AGFG1: variants seen among roughly 807,000 people sequenced by gnomAD.
AGFG1 encodes arf-GAP domain and FG repeat-containing protein 1.
A neutral mutation model predicts 60.6 loss-of-function variants in AGFG1; 10 were observed. The ratio of observed to expected loss-of-function variants is 0.16; its 90% CI spans 0.10 to 0.28. AGFG1 has a LOEUF of 0.28. AGFG1 is among the 10% of genes least tolerant of loss of function. AGFG1 has a pLI of 1.00. For missense variants in AGFG1, 537 were observed against 676.5 expected, an observed-to-expected ratio of 0.79 and a Z score of 2.29; for synonymous variants, 247 against 242.9, an observed-to-expected ratio of 1.02 and a Z score of -0.16.
At chr2:227,516,032 G>A (rs1347157404) in intron 2 of AGFG1, among the ~76,000 whole-genome samples, 1 of 152,188 alleles carries the variant, frequency 6.6e-6, no homozygotes, top group Non-Finnish European at 1.5e-5. Flanking sequence ...TTTGGGAGAT[G>A]CTGAAAGCTG....
chr2:227,536,607 T>C lies in AGFG1; in HGVS notation c.1206-18T>C, dbSNP rs1178578214. ...TTTTTTAAGAAAAAAAATGAACTCT[T>C]TCAATATTTGTTCTCAGCAATGTTT... is the stretch of plus-strand genomic sequence containing the variant. On this transcript the variant is annotated intron_variant, in intron 8 of 12. Transcript: ENST00000310078. 6.2e-7 allele frequency: 1 copy of C among 1,608,184 alleles called. No individual in the cohort carries two copies. The highest frequency in any genetic ancestry group is 8.5e-7 in the Non-Finnish European group (1 of 1,176,320).
At chr2:227,487,907 C>A (rs753250124) in intron 1 of AGFG1, among the ~76,000 whole-genome samples, 1 of 152,156 alleles carries the variant, frequency 6.6e-6, no homozygotes, top group Non-Finnish European at 1.5e-5. Context: ...AATGAAAAAT[C>A]CATGTACAGC....
chr2:227,514,886 T>C (rs1416585513), intron 2 of AGFG1, among the ~76,000 whole-genome samples: 1 of 152,200 alleles, frequency 6.6e-6, no homozygotes, highest in Non-Finnish European at 1.5e-5. Context: ...TGCATCTTCT[T>C]GTTGCAGTCA....
rs904318163 is a variant in AGFG1, at chr2:227,555,262, A to T, written c.*767A>T. 6.5e-6 allele frequency: 1 copy of T among 152,748 alleles called. No individual in the cohort carries two copies. The highest frequency in any genetic ancestry group is 1.9e-4 in the East Asian group (1 of 5,194). The allele number at this position is 152,748 out of a possible 1,614,324, so 9.5% of individuals were successfully genotyped here. ...AAGGCCATGTAGAAAATTTATTAAA[A>T]CTACTATGACTGCTACATTCAGGAA... On this transcript the variant is annotated 3_prime_UTR_variant, in exon 13 of 13. Coordinates refer to ENST00000310078, the MANE Select transcript of AGFG1 (RefSeq NM_004504.5).
chr2:227,520,372 G>A (rs1049865417), intron 3 of AGFG1, among the ~76,000 whole-genome samples: 3 of 152,020 alleles, frequency 2.0e-5, no homozygotes, highest in Non-Finnish European at 2.9e-5. Context: ...CAAAGCCTCC[G>A]TTCTTAAAAA....
rs1462887062 is a variant in AGFG1, at chr2:227,532,134, C to G, written c.814+924C>G. ...CATCATTTACATAATTTCTGGCTGT[C>G]CAGCATTTAGAATGCTTTCATCTAG... On this transcript the variant is annotated intron_variant, in intron 6 of 12. Transcript: ENST00000310078. The G allele has an allele frequency of 3.2e-6, 5 of 1,539,536 alleles. No individual in the cohort carries two copies. In the East Asian group the frequency reaches 9.9e-5, roughly 31 times the overall value.
At chr2:227,543,686 C>T (rs1559198260) in intron 10 of AGFG1, among the ~76,000 whole-genome samples, 1 of 152,176 alleles carries the variant, frequency 6.6e-6, no homozygotes, top group Non-Finnish European at 1.5e-5. Flanking sequence ...TGGTGCAGAG[C>T]AGAGTCCAAG....
At position 227,531,189 on chromosome 2, in the gene AGFG1, C is replaced by T. The variant is rs1341646554; in HGVS notation, c.793C>T (p.Pro265Ser). The change falls in exon 6 of 13, where the codon CCT becomes TCT. Residue 265 changes from proline (P) to serine (S), a missense_variant. Pro to Ser is a moderately conservative substitution (Grantham distance 74, BLOSUM62 -1). Coordinates refer to ENST00000310078, the MANE Select transcript of AGFG1 (RefSeq NM_004504.5). ...AGGTTTCCCCACAGCAAGTCACTCT[C>T]CTTTTCAGCCCCAAACTACAGGTAG... ...FGGFPTASHS[P>S]FQPQTTGGSA... 1 of 1,613,674 alleles carries T rather than the reference C, an allele frequency of 6.2e-7. No homozygotes were observed. Among genetic ancestry groups the T allele is most frequent in the Non-Finnish European group, 8.5e-7 (1 of 1,179,746 alleles).
chr2:227,496,480 G>C (rs1690980080), intron 2 of AGFG1, among the ~76,000 whole-genome samples: 1 of 151,736 alleles, frequency 6.6e-6, no homozygotes, highest in Non-Finnish European at 1.5e-5. Flanking sequence ...CTGTGTGCCA[G>C]GAACTGTCCT....
At chr2:227,545,673 G>A (rs986101095) in intron 10 of AGFG1, among the ~76,000 whole-genome samples, 1 of 152,042 alleles carries the variant, frequency 6.6e-6, no homozygotes, top group Non-Finnish European at 1.5e-5. Context: ...TTTTGATGTT[G>A]ATGCTACTCC....
intron 1 of AGFG1, among the ~76,000 whole-genome samples, chr2:227,484,107 A>T (rs978256508): frequency 1.3e-5 from 2 of 151,756 alleles, no homozygotes; most frequent in Non-Finnish European, 2.9e-5. Flanking sequence ...TGTACTATTG[A>T]TATTAACATT....
chr2:227,477,333 TGCTA>T (rs1199394333), intron 1 of AGFG1, among the ~76,000 whole-genome samples: 2 of 152,038 alleles, frequency 1.3e-5, no homozygotes, highest in Non-Finnish European at 2.9e-5. Flanking sequence ...AACTATTGAG[TGCTA>T]GCTGTGTGAC....
At chr2:227,509,764 A>G (rs944474638) in intron 2 of AGFG1, among the ~76,000 whole-genome samples, 4 of 144,794 alleles carry the variant, frequency 2.8e-5, no homozygotes, top group African/African-American at 9.9e-5. Flanking sequence ...GGATGTATAC[A>G]TGGTGGGGGT....
intron 1 of AGFG1, 98 bp from the exon 2 acceptor site, chr2:227,491,449 A>T: frequency 2.8e-6 from 2 of 715,838 alleles, no homozygotes; most frequent in Non-Finnish European, 4.6e-6. Context: ...CACTGTTTCA[A>T]GTTTGTGTGT....
intron 2 of AGFG1, among the ~76,000 whole-genome samples, chr2:227,492,670 T>C (rs1690854432): frequency 6.6e-6 from 1 of 152,082 alleles, no homozygotes; most frequent in African/African-American, 2.4e-5. Context: ...TATGAAATAT[T>C]TTTAAATATT....
At chr2:227,476,457 A>G (rs1162497323) in intron 1 of AGFG1, among the ~76,000 whole-genome samples, 1 of 152,228 alleles carries the variant, frequency 6.6e-6, no homozygotes, top group Non-Finnish European at 1.5e-5. Flanking sequence ...AAAGTGATCC[A>G]TAAATTTTTC....
intron 2 of AGFG1, among the ~76,000 whole-genome samples, chr2:227,497,723 CTTTCTTGTT>C (rs796441804): frequency 5.4e-4 from 43 of 80,256 alleles, no homozygotes; most frequent in South Asian, 2.8e-3. Flanking sequence ...AAATGAGTTT[CTTTCTTGTT>C]TTGTTTTTTT....
chr2:227,484,630 C>T (rs1417220433), intron 1 of AGFG1, among the ~76,000 whole-genome samples: 1 of 145,856 alleles, frequency 6.9e-6, no homozygotes, highest in Non-Finnish European at 1.5e-5. Context: ...GGTCATTTTT[C>T]TTCTTAAAGT....
chr2:227,521,081 T>C (rs63354262), intron 3 of AGFG1, among the ~76,000 whole-genome samples: 1 of 144,986 alleles, frequency 6.9e-6, no homozygotes, highest in African/African-American at 2.6e-5. Context: ...CTTTTTTTTT[T>C]GGAGACTGAG....
Sources: allele counts gnomAD v4.1 joint callset (sites outside exome capture counted in the v4.1 genomes callset), GRCh38; gene constraint gnomAD v4.1.1; transcripts MANE v1.5; gene names NCBI Gene and HGNC (gene_info 2026-07-23, HGNC 2026-07-21).